Variants in PCDHGA4 observed in about 807,000 individuals in gnomAD.
PCDHGA4 encodes protocadherin gamma-A4.
In PCDHGA4, 38 loss-of-function variants were observed where a neutral mutation model predicts 54.6. The observed-to-expected ratio is 0.70, with a 90% CI of 0.54 to 0.91. The LOEUF (loss-of-function observed/expected upper bound fraction) is 0.91. PCDHGA4 is among the 40% of genes least tolerant of loss of function. The pLI is 0.00. For missense variants in PCDHGA4, 1,298 were observed against 1,220.9 expected (o/e 1.06, Z -0.94); for synonymous variants, 511 against 512.9 (o/e 1.00, Z 0.05).
rs181202785 is a variant in PCDHGA4, at chr5:141,458,320, G to A, written c.2515-36487G>A. On this transcript the variant is annotated intron_variant, in intron 1 of 3. Transcript: ENST00000571252. ...TTTAGATAAAATGACACAGACACAT[G>A]TGGAGTGGTTTTAAGGAGTGGAGAG... is the stretch of plus-strand genomic sequence containing the variant. Among the ~76,000 whole-genome samples the A allele has an allele frequency of 3.2e-3, 490 of 152,250 alleles. 4 individuals are homozygous for A. The highest frequency in any genetic ancestry group is 0.017 in the Middle Eastern group (5 of 294).
At chr5:141,384,606 AGAT>A (rs1561603197) in intron 1 of PCDHGA4, 6 of 1,614,152 alleles carry the variant, frequency 3.7e-6, no homozygotes, top group Non-Finnish European at 5.1e-6. Flanking sequence ...CCCTCCCCAC[AGAT>A]GGTTCTACTG....
intron 2 of PCDHGA4, among the ~76,000 whole-genome samples, chr5:141,502,866 C>CTTTTTTT (rs549047197): frequency 0.02 from 2,590 of 127,990 alleles, 216 homozygotes; most frequent in African/African-American, 0.075. Flanking sequence ...GACTCTCTGT[C>CTTTTTTT]TTTTTTTTTT....
rs1472436870 is a variant in PCDHGA4, at chr5:141,365,479, A to G, written c.2514+7858A>G. On this transcript the variant is annotated intron_variant, in intron 1 of 3. Transcript: ENST00000571252. ...ATTCTGGAGAAAATGGTGAGATTGCATGCTCTATTCCTAGGAATTTGCCTT... is the reference window on the plus strand; with the variant it reads ...ATTCTGGAGAAAATGGTGAGATTGCGTGCTCTATTCCTAGGAATTTGCCTT... 5 of 1,613,906 alleles carry G rather than the reference A, an allele frequency of 3.1e-6. No individual in the cohort carries two copies. The East Asian group carries it at 8.9e-5, about 29-fold the overall frequency.
intron 1 of PCDHGA4, among the ~76,000 whole-genome samples, chr5:141,445,740 A>T (rs993128906): frequency 2.6e-5 from 4 of 152,226 alleles, no homozygotes; most frequent in Admixed American, 1.3e-4. Flanking sequence ...AGATCTTTTT[A>T]AAAAATAAAA....
chr5:141,462,911 T>C (rs1263378930), intron 1 of PCDHGA4, among the ~76,000 whole-genome samples: 1 of 152,248 alleles, frequency 6.6e-6, no homozygotes, highest in Non-Finnish European at 1.5e-5. Flanking sequence ...ATTATGTTTT[T>C]TGCAGATCAG....
At chr5:141,415,252 C>T (rs895920596) in intron 1 of PCDHGA4, 5 of 1,614,098 alleles carry the variant, frequency 3.1e-6, no homozygotes, top group Non-Finnish European at 4.2e-6. Context: ...AACCTCAGAC[C>T]TCACTCTGTA....
Position 141,413,494 on chromosome 5 carries a change from G to T in PCDHGA4, c.2514+55873G>T, listed in dbSNP as rs778441176. On this transcript the variant is annotated intron_variant, in intron 1 of 3. Transcript: ENST00000571252. ...GCTCTGCGCTCAGAGCGCGCGGTGCGTGGTGAGTTTTAATATCCTTGTGGA... is the reference window on the plus strand; with the variant it reads ...GCTCTGCGCTCAGAGCGCGCGGTGCTTGGTGAGTTTTAATATCCTTGTGGA... The T allele has an allele frequency of 5.0e-6, 8 of 1,614,042 alleles. No individual in the cohort carries two copies. The East Asian group carries it at 1.3e-4, about 27-fold the overall frequency.
At chr5:141,409,719 CAGTG>C (rs2095305881) in intron 1 of PCDHGA4, 2 of 1,613,090 alleles carry the variant, frequency 1.2e-6, no homozygotes, top group South Asian at 2.2e-5. Flanking sequence ...TCATACGTGT[CAGTG>C]AGCGCGCAGA....
intron 3 of PCDHGA4, among the ~76,000 whole-genome samples, chr5:141,506,381 G>A (rs750584158): frequency 2.0e-5 from 3 of 151,216 alleles, no homozygotes; most frequent in Non-Finnish European, 4.4e-5. Context: ...CCTGGGAGGT[G>A]GCTGTGGTGA....
At chr5:141,481,838 T>G (rs1297962011) in intron 1 of PCDHGA4, among the ~76,000 whole-genome samples, 2 of 150,868 alleles carry the variant, frequency 1.3e-5, no homozygotes, top group African/African-American at 4.9e-5. Flanking sequence ...GGAGAATCGC[T>G]TGATGGTGGA....
intron 1 of PCDHGA4, chr5:141,422,492 C>A (rs747903569): frequency 2.5e-6 from 4 of 1,613,816 alleles, no homozygotes; most frequent in African/African-American, 2.7e-5. Flanking sequence ...TACAATATAA[C>A]GTTGACAGCC....
At chr5:141,411,309 C>A (rs2095479833) in intron 1 of PCDHGA4, 1 of 152,130 alleles carries the variant, frequency 6.6e-6, no homozygotes, top group African/African-American at 2.4e-5. Context: ...GTGGCTCACA[C>A]CTATAATCAC....
intron 1 of PCDHGA4, chr5:141,379,115 T>C (rs1775378962): frequency 6.6e-6 from 1 of 152,230 alleles, no homozygotes; most frequent in African/African-American, 2.4e-5. Context: ...ATTGAGAAGA[T>C]ACCTTGAAAA....
At position 141,491,150 on chromosome 5, in the gene PCDHGA4, A is replaced by G; in HGVS notation, c.2515-3657A>G. On this transcript the variant is annotated intron_variant, in intron 1 of 3. Coordinates refer to ENST00000571252, the MANE Select transcript of PCDHGA4 (RefSeq NM_018917.4). This position sits in a 1 kb window ranked among gnomAD's most constrained non-coding sequence, Gnocchi z 6.9. ...CGCACAGCCCGGGCCTTACTGGAGG[A>G]TGACTCTGACACCCAGCAGGTGGTG... is the stretch of plus-strand genomic sequence containing the variant. 1 of 1,614,122 alleles carries G rather than the reference A, an allele frequency of 6.2e-7. No individual in the cohort carries two copies. Among genetic ancestry groups the G allele is most frequent in the African/African-American group, 1.3e-5 (1 of 75,060 alleles).
chr5:141,420,974 T>C, intron 1 of PCDHGA4: 1 of 460,696 alleles, frequency 2.2e-6, no homozygotes, highest in Non-Finnish European at 3.8e-6. Flanking sequence ...ATAATAAGAA[T>C]GGGCTCTAGG....
chr5:141,381,233 C>T (rs978967101), intron 1 of PCDHGA4, among the ~76,000 whole-genome samples: 1 of 152,276 alleles, frequency 6.6e-6, no homozygotes, highest in African/African-American at 2.4e-5. Flanking sequence ...CCACCAACTA[C>T]TCTCCAGGAC....
rs752595373 is a variant in PCDHGA4 at position 141,357,407 on chromosome 5, C to G, written c.2300C>G (p.Pro767Arg). The change falls in exon 1 of 4, where the codon CCT (proline) becomes CGT (arginine). Residue 767 changes from proline to arginine, a missense_variant. By Grantham distance (103) the Pro-to-Arg change is moderately radical. Transcript: ENST00000571252. ...GAAGGCAGCAGGTTGGCAGGTGTGC[C>G]TGCCTCGCACTTTGTGGGCGTGGAC... is the stretch of plus-strand genomic sequence containing the variant. The part of the protein sequence containing the change: ...HAEGSRLAGV[P>R]ASHFVGVDGV... 5.0e-6 allele frequency: 8 copies of G among 1,614,246 alleles called. No individual in the cohort carries two copies. The East Asian group carries it at 1.8e-4, about 36-fold the overall frequency.
At chr5:141,409,745 T>C (rs968473065) in intron 1 of PCDHGA4, 8 of 1,613,074 alleles carry the variant, frequency 5.0e-6, no homozygotes, top group Non-Finnish European at 6.8e-6. Context: ...CGGGGTGGTG[T>C]TCGCGCAGCG....
intron 2 of PCDHGA4, 114 bp from the exon 3 acceptor site, chr5:141,505,279 C>T: frequency 6.5e-7 from 1 of 1,541,274 alleles, no homozygotes; most frequent in Non-Finnish European, 8.7e-7. Context: ...AGAAACAGGT[C>T]TTGGGCATGG....
Sources: allele counts gnomAD v4.1 joint callset (sites outside exome capture counted in the v4.1 genomes callset), GRCh38; gene constraint gnomAD v4.1.1; non-coding constraint Gnocchi (gnomAD v3.1); transcripts MANE v1.5; gene names NCBI Gene and HGNC (gene_info 2026-07-23, HGNC 2026-07-21).